The following MAP4K3 variants were observed in gnomAD, a reference collection of about 807,000 sequenced individuals.
The protein encoded by MAP4K3 is MAPK/ERK kinase kinase kinase 3.
MAP4K3 carries 94 observed loss-of-function variants against 143.5 expected under a neutral mutation model. The observed-to-expected ratio is 0.65, with a 90% CI of 0.55 to 0.78. The LOEUF is 0.78. MAP4K3 is among the 30% of genes least tolerant of loss of function. The pLI is 0.00. For synonymous variants in MAP4K3, 416 were observed against 347.2 expected, an observed-to-expected ratio of 1.20 and a Z score of -2.20; for missense variants, 1,077 against 1,068.1, an observed-to-expected ratio of 1.01 and a Z score of -0.12.
At chr2:39,345,226 A>T (rs967374967) in intron 3 of MAP4K3, among the ~76,000 whole-genome samples, 3 of 151,716 alleles carry the variant, frequency 2.0e-5, no homozygotes, top group African/African-American at 7.3e-5. Context: ...CAAACAAAAA[A>T]AGTTAGCCAG....
chr2:39,293,178 GACTTT>G, intron 17 of MAP4K3, 47 bp downstream of exon 17: 4 of 1,282,140 alleles, frequency 3.1e-6, no homozygotes, highest in Middle Eastern at 1.8e-4. Context: ...AAGGCAAACT[GACTTT>G]ACTTGTCTGT....
intron 1 of MAP4K3, among the ~76,000 whole-genome samples, chr2:39,384,165 T>C (rs1666427056): frequency 1.3e-5 from 2 of 151,560 alleles, no homozygotes; most frequent in Admixed American, 1.3e-4. Context: ...ACAGAGGCCA[T>C]ATGGCTCACA....
chr2:39,321,352 G>T (rs4624155), intron 12 of MAP4K3, among the ~76,000 whole-genome samples: 11 of 152,166 alleles, frequency 7.2e-5, no homozygotes, highest in Admixed American at 7.2e-4. Context: ...TGGATTAAGG[G>T]TTGTGCAAGA....
intron 2 of MAP4K3, among the ~76,000 whole-genome samples, chr2:39,364,281 A>G (rs978467899): frequency 1.3e-5 from 2 of 152,248 alleles, no homozygotes; most frequent in African/African-American, 4.8e-5. Context: ...TTCAATGTGT[A>G]AAGAATTTCA....
In MAP4K3 at chr2:39,267,162, C is replaced by G. The variant is rs372046443; in HGVS notation, c.2032+27G>C. 48 of 1,609,928 alleles carry G rather than the reference C, an allele frequency of 3.0e-5. No homozygotes were observed. In the African/African-American group the frequency reaches 6.1e-4, roughly 21 times the overall value. ...AGATTTTAGGAGGAGTCTCAGAGAG[C>G]TATATGCTATTGGACAGTTTACTTA... On this transcript the variant is annotated intron_variant, in intron 27 of 33. Transcript: ENST00000263881.
At chr2:39,417,772 C>A (rs1337762150) in intron 1 of MAP4K3, among the ~76,000 whole-genome samples, 1 of 152,152 alleles carries the variant, frequency 6.6e-6, no homozygotes, top group Non-Finnish European at 1.5e-5. Flanking sequence ...ATACTCAGAG[C>A]CCAGATCTTG....
At chr2:39,294,528 G>A (rs1682190325) in intron 16 of MAP4K3, among the ~76,000 whole-genome samples, 1 of 152,224 alleles carries the variant, frequency 6.6e-6, no homozygotes, top group Admixed American at 6.5e-5. Context: ...AGGCACTAGA[G>A]CAAAATGCAG....
chr2:39,333,500 T>C (rs1409956700), intron 7 of MAP4K3, 32 bp downstream of exon 7: 1 of 1,550,468 alleles, frequency 6.4e-7, no homozygotes, highest in African/African-American at 1.4e-5. Flanking sequence ...TAGAATAGAT[T>C]TGTGCACGTG....
chr2:39,320,372 T>C (rs528025904), intron 12 of MAP4K3, among the ~76,000 whole-genome samples: 26 of 152,178 alleles, frequency 1.7e-4, no homozygotes, highest in Non-Finnish European at 3.7e-4. Flanking sequence ...TGCAAATTTT[T>C]TGTGTGAAAA....
intron 1 of MAP4K3, among the ~76,000 whole-genome samples, chr2:39,416,616 G>A (rs1056490080): frequency 1.3e-5 from 2 of 152,170 alleles, no homozygotes; most frequent in South Asian, 4.1e-4. Flanking sequence ...TTTTCCTTTA[G>A]TGAGTATACA....
At chr2:39,411,295 T>C (rs886350343) in intron 1 of MAP4K3, among the ~76,000 whole-genome samples, 6 of 152,202 alleles carry the variant, frequency 3.9e-5, no homozygotes, top group African/African-American at 9.7e-5. Context: ...AGGCAGATGT[T>C]TTCCCTACAT....
chr2:39,394,123 T>C (rs6544225), intron 1 of MAP4K3, among the ~76,000 whole-genome samples: 9,590 of 152,316 alleles, frequency 0.063, 392 homozygotes, highest in Middle Eastern at 0.11. Flanking sequence ...TTTTCTACCA[T>C]TACTCCTCTT....
chr2:39,314,289 C>G (rs148082437), intron 13 of MAP4K3, among the ~76,000 whole-genome samples: 1 of 152,164 alleles, frequency 6.6e-6, no homozygotes, highest in African/African-American at 2.4e-5. Context: ...CTCGGCCTCC[C>G]AAAGTGCTGG....
chr2:39,271,872 C>T lies in MAP4K3; in HGVS notation c.1973+411G>A, dbSNP rs911012824. On this transcript the variant is annotated intron_variant, in intron 26 of 33. Coordinates refer to ENST00000263881, the MANE Select transcript of MAP4K3 (RefSeq NM_003618.4). ...TCAGCCTCTCAAAGTATTGGGATTA[C>T]AGGCGTGAGCCACCATGCCAGGTTG... 13 of 164,948 alleles carry T rather than the reference C, an allele frequency of 7.9e-5. No homozygotes were observed. In the East Asian group the frequency reaches 1.4e-3, roughly 18 times the overall value. The allele number at this position is 164,948 out of a possible 1,614,324, so 10.2% of individuals were successfully genotyped here. A position where few individuals can be genotyped will look rare whatever the true frequency, so the allele number is the denominator to read the frequency against.
At chr2:39,401,277 G>C (rs1454217847) in intron 1 of MAP4K3, among the ~76,000 whole-genome samples, 1 of 152,100 alleles carries the variant, frequency 6.6e-6, no homozygotes, top group Non-Finnish European at 1.5e-5. Flanking sequence ...CCATATCCTT[G>C]TGAGGAAACA....
intron 31 of MAP4K3, among the ~76,000 whole-genome samples, chr2:39,256,529 C>T (rs906616396): frequency 2.0e-5 from 3 of 152,158 alleles, no homozygotes; most frequent in African/African-American, 7.2e-5. Flanking sequence ...TCTCTTAATA[C>T]TTGGTATTGT....
At chr2:39,414,667 A>G (rs1055675492) in intron 1 of MAP4K3, among the ~76,000 whole-genome samples, 2 of 152,188 alleles carry the variant, frequency 1.3e-5, no homozygotes, top group Non-Finnish European at 2.9e-5. Context: ...CGACATCAGG[A>G]GATCGAGACC....
intron 29 of MAP4K3, among the ~76,000 whole-genome samples, chr2:39,258,995 A>C (rs748203659): frequency 1.4e-5 from 2 of 146,542 alleles, no homozygotes; most frequent in Non-Finnish European, 3.0e-5. Context: ...CTGGGAATTT[A>C]CAAAAATGAA....
At chr2:39,255,848 A>T (rs1462449154) in intron 31 of MAP4K3, among the ~76,000 whole-genome samples, 1 of 152,190 alleles carries the variant, frequency 6.6e-6, no homozygotes, top group African/African-American at 2.4e-5. Context: ...TTTTAAGAGC[A>T]GCTTATCAAG....
Sources: gnomAD v4.1 joint callset for allele counts (sites outside exome capture counted in the v4.1 genomes callset) on GRCh38, gnomAD v4.1.1 for gene constraint, MANE v1.5 for transcripts, NCBI Gene and HGNC (gene_info 2026-07-23, HGNC 2026-07-21) for gene names.